TTLL7: variants seen among roughly 807,000 people sequenced by gnomAD.
TTLL7 encodes the protein tubulin tyrosine ligase like 7, also known as tubulin polyglutamylase TTLL7.
Under a neutral mutation model 120.2 loss-of-function variants are expected in TTLL7, and 53 were observed. The ratio of observed to expected loss-of-function variants is 0.44; its 90% CI spans 0.35 to 0.55. The LOEUF is 0.55. Ranked by LOEUF, TTLL7 falls within the 20% of genes least tolerant of loss-of-function variation. TTLL7 has a pLI of 0.00. For missense variants in TTLL7, 803 were observed against 1,054.7 expected (o/e 0.76, Z 3.31); for synonymous variants, 353 against 351.7 (o/e 1.00, Z -0.04).
intron 10 of TTLL7, among the ~76,000 whole-genome samples, chr1:83,925,755 C>G (rs1249531432): frequency 6.6e-6 from 1 of 152,178 alleles, no homozygotes; most frequent in Non-Finnish European, 1.5e-5. Context: ...CTTTTAACAA[C>G]TGAGCTACTT....
At chr1:83,961,746 A>C (rs1254381936) in intron 1 of TTLL7, among the ~76,000 whole-genome samples, 3 of 152,222 alleles carry the variant, frequency 2.0e-5, no homozygotes, top group African/African-American at 7.2e-5. Context: ...CCTACAACAT[A>C]ATATTTCAGT....
intron 10 of TTLL7, among the ~76,000 whole-genome samples, 163 bp downstream of exon 10, chr1:83,928,973 A>T (rs1004916008): frequency 6.6e-6 from 1 of 151,940 alleles, no homozygotes; most frequent in Non-Finnish European, 1.5e-5. Flanking sequence ...TACAAAATGG[A>T]TGGAACCAAG....
chr1:83,980,279 C>T (rs1204713424), intron 1 of TTLL7: 1 of 152,106 alleles, frequency 6.6e-6, no homozygotes, highest in East Asian at 1.9e-4. Flanking sequence ...CTGGCTGAGA[C>T]AGGCATTTGG....
At chr1:83,909,898 C>T (rs1279865071) in intron 15 of TTLL7, among the ~76,000 whole-genome samples, 1 of 152,062 alleles carries the variant, frequency 6.6e-6, no homozygotes, top group Non-Finnish European at 1.5e-5. Context: ...CTAAAACCAA[C>T]ACAGAGCCAT....
Position 83,866,119 on chromosome 1 carries a change from T to G in TTLL7, c.*3843A>C, listed in dbSNP as rs1652899207. 1 of 151,882 alleles carries G rather than the reference T, an allele frequency of 6.6e-6. No homozygotes were observed. The highest frequency in any genetic ancestry group is 1.5e-5 in the Non-Finnish European group (1 of 67,792). The allele number at this position is 151,882 out of a possible 1,614,324, so 9.4% of individuals were successfully genotyped here. ...GACCATGTAAACTAAGACTCAAAGTTTAAATTAGCATTACAGAACAGAAAA... is the reference window on the plus strand; with the variant it reads ...GACCATGTAAACTAAGACTCAAAGTGTAAATTAGCATTACAGAACAGAAAA... On this transcript the variant is annotated 3_prime_UTR_variant, in exon 21 of 21. Transcript: ENST00000260505.
In TTLL7 at chr1:83,870,092, A is replaced by T; in HGVS notation, c.2544-10T>A. ...CCCTGGTAGTAAATACCTAAAAATG[A>T]TGGTTAACAAATTAGATTTTTACAA... On this transcript the variant is annotated splice_polypyrimidine_tract_variant and intron_variant, in intron 20 of 20. Transcript: ENST00000260505. The T allele has an allele frequency of 6.5e-7, 1 of 1,537,616 alleles. No homozygotes were observed. Among genetic ancestry groups the T allele is most frequent in the Non-Finnish European group, 8.7e-7 (1 of 1,151,290 alleles).
At chr1:83,973,679 G>A (rs1276413710) in intron 1 of TTLL7, among the ~76,000 whole-genome samples, 3 of 152,008 alleles carry the variant, frequency 2.0e-5, no homozygotes, top group Non-Finnish European at 4.4e-5. Flanking sequence ...TGACAATGTT[G>A]AGCCTTCCTA....
At chr1:83,969,610 T>A (rs1650792048) in intron 1 of TTLL7, among the ~76,000 whole-genome samples, 1 of 152,022 alleles carries the variant, frequency 6.6e-6, no homozygotes, top group South Asian at 2.1e-4. Context: ...AAAGTGTTTA[T>A]GCTTTTGATT....
chr1:83,986,766 G>A (rs1652490089), intron 1 of TTLL7, among the ~76,000 whole-genome samples: 1 of 152,178 alleles, frequency 6.6e-6, no homozygotes, highest in Non-Finnish European at 1.5e-5. Context: ...CTTGAATCCG[G>A]GAGGCAGAGG....
intron 18 of TTLL7, among the ~76,000 whole-genome samples, chr1:83,892,301 T>C (rs1245827333): frequency 3.5e-5 from 3 of 84,614 alleles, no homozygotes; most frequent in East Asian, 5.5e-4. Context: ...TATATGAATA[T>C]ATATACGAAT....
chr1:83,933,927 G>T (rs890925255), intron 8 of TTLL7, among the ~76,000 whole-genome samples, 161 bp from the exon 9 acceptor site: 34 of 152,070 alleles, frequency 2.2e-4, no homozygotes, highest in African/African-American at 8.0e-4. Flanking sequence ...TCTTACCCCT[G>T]CCCACTGCAC....
At chr1:83,963,041 T>G (rs1650144519) in intron 1 of TTLL7, among the ~76,000 whole-genome samples, 2 of 152,140 alleles carry the variant, frequency 1.3e-5, no homozygotes, top group Non-Finnish European at 2.9e-5. Flanking sequence ...TGGACATTTA[T>G]CATTTTTGCC....
In TTLL7 at chr1:83,881,073, C is replaced by T. The variant is rs564017040; in HGVS notation, c.2543+1890G>A. On this transcript the variant is annotated intron_variant, in intron 20 of 20. Transcript: ENST00000260505. ...CTGAAACTGGATCCCTTCCTTACAC[C>T]TTATACAAAAATTAATTCAAGATGG... Among the ~76,000 whole-genome samples, 8 of 150,560 alleles carry T rather than the reference C, an allele frequency of 5.3e-5. No individual in the cohort carries two copies. The South Asian group carries it at 1.7e-3, about 31-fold the overall frequency.
At position 83,972,410 on chromosome 1, in the gene TTLL7, G is replaced by A. The variant is rs1181109048; in HGVS notation, c.-176-20023C>T. Among the ~76,000 whole-genome samples, 6 of 151,978 alleles carry A rather than the reference G, an allele frequency of 3.9e-5. No individual in the cohort carries two copies. The South Asian group carries it at 1.2e-3, about 32-fold the overall frequency. On this transcript the variant is annotated intron_variant, in intron 1 of 20. Coordinates refer to ENST00000260505, the MANE Select transcript of TTLL7 (RefSeq NM_024686.6). ...CTTTCACACAGTAATATGCATTTAAGGTTCCATGTCTTTCTATGACTTAAT... is the reference window on the plus strand; with the variant it reads ...CTTTCACACAGTAATATGCATTTAAAGTTCCATGTCTTTCTATGACTTAAT...
chr1:83,997,633 T>A (rs924562055), intron 1 of TTLL7, among the ~76,000 whole-genome samples: 3 of 152,206 alleles, frequency 2.0e-5, no homozygotes, highest in Admixed American at 2.0e-4. Flanking sequence ...TTATGCAATA[T>A]CACAGAGTTG....
chr1:83,885,708 A>C (rs780869881), intron 19 of TTLL7, among the ~76,000 whole-genome samples: 7 of 152,066 alleles, frequency 4.6e-5, no homozygotes, highest in Non-Finnish European at 1.0e-4. Flanking sequence ...CTCTACACAA[A>C]GGAAAACTGA....
chr1:83,980,936 G>A (rs1413330104), intron 1 of TTLL7: 1 of 152,078 alleles, frequency 6.6e-6, no homozygotes, highest in African/African-American at 2.4e-5. Flanking sequence ...GATAAACTAA[G>A]TATGTATAAA....
At chr1:83,950,043 T>C in intron 3 of TTLL7, 57 bp from the exon 4 acceptor site, 7 of 1,424,312 alleles carry the variant, frequency 4.9e-6, no homozygotes, top group South Asian at 1.3e-5. Flanking sequence ...ATATATTCAT[T>C]GCAGAAACAT....
intron 1 of TTLL7, among the ~76,000 whole-genome samples, chr1:83,993,398 G>A (rs1231972335): frequency 6.6e-6 from 1 of 152,172 alleles, no homozygotes; most frequent in Non-Finnish European, 1.5e-5. Context: ...AACAGCTACT[G>A]CCATACCGTT....
Sources: gnomAD v4.1 joint callset for allele counts (sites outside exome capture counted in the v4.1 genomes callset) on GRCh38, gnomAD v4.1.1 for gene constraint, MANE v1.5 for transcripts, NCBI Gene and HGNC (gene_info 2026-07-23, HGNC 2026-07-21) for gene names.